The following KANK1 variants were observed in gnomAD, a reference collection of about 807,000 sequenced individuals.
The protein encoded by KANK1 is KN motif and ankyrin repeat domain-containing protein 1.
In KANK1, 109 loss-of-function variants were observed where a neutral mutation model predicts 106.2. The ratio of observed to expected loss-of-function variants is 1.03; its 90% confidence interval spans 0.88 to 1.20. KANK1 has a LOEUF of 1.20. KANK1 is among the 50% of genes most tolerant of loss of function. The probability of loss-of-function intolerance (pLI) is 0.00; values close to 1 mark genes in which losing one functional copy is unlikely to be tolerated. For synonymous variants in KANK1, 873 were observed against 652.2 expected, an observed-to-expected ratio of 1.34 and a Z score of -5.16; for missense variants, 2,399 against 1,710.7, an observed-to-expected ratio of 1.40 and a Z score of -7.10.
rs549469263 is a variant in KANK1 at position 515,294 on chromosome 9, G to A, written c.-84+10540G>A. The stretch of plus-strand genomic sequence containing the variant: ...CAGGAGGCGGAGCTTGCAGTGAGCC[G>A]AGATCGTGCCACTGCCCTCCAGCCT... On this transcript the variant is annotated intron_variant, in intron 1 of 11. Transcript: ENST00000382297. Among the ~76,000 whole-genome samples, 12 of 149,990 alleles carry A rather than the reference G, an allele frequency of 8.0e-5. No homozygotes were observed. In the South Asian group the frequency reaches 1.9e-3, roughly 24 times the overall value.
intron 3 of KANK1, among the ~76,000 whole-genome samples, chr9:499,562 A>T (rs2058515122): frequency 6.6e-6 from 1 of 152,144 alleles, no homozygotes; most frequent in African/African-American, 2.4e-5. Context: ...CCATCCTTGC[A>T]GAGGGGGCTC....
At chr9:685,565 C>T (rs888589446) in intron 2 of KANK1, 1 of 152,202 alleles carries the variant, frequency 6.6e-6, no homozygotes, top group Admixed American at 6.5e-5. Flanking sequence ...CCTGATTTCC[C>T]TCCCAACTGG....
At position 713,313 on chromosome 9, in the gene KANK1, A is replaced by G. The variant is rs1429339180; in HGVS notation, c.2547A>G (p.Ala849=). The G allele has an allele frequency of 3.7e-6, 6 of 1,614,100 alleles. No homozygotes were observed. The highest frequency in any genetic ancestry group is 2.5e-6 in the Non-Finnish European group (3 of 1,180,048). ...TGGCTGAGAACTACAGTGAACTGGC[A>G]GAAGCTTTCGGGGAACCTCACTCAC... ...TLLAENYSEL[A]EAFGEPHSQM... is the part of the protein sequence containing the mutation. Residue 849 remains alanine (A), a synonymous_variant, in exon 3 of 12, where the codon GCA becomes GCG. Transcript: ENST00000382297.
At chr9:551,001 G>C (rs925232804) in intron 1 of KANK1, among the ~76,000 whole-genome samples, 1 of 151,954 alleles carries the variant, frequency 6.6e-6, no homozygotes, top group African/African-American at 2.4e-5. Context: ...TTGAGTGGTA[G>C]AAAGTAAAGG....
chr9:494,632 A>G (rs957389731), intron 3 of KANK1, among the ~76,000 whole-genome samples: 1 of 152,150 alleles, frequency 6.6e-6, no homozygotes, highest in African/African-American at 2.4e-5. Context: ...GGGCAGCACT[A>G]TGGAGCAATA....
chr9:535,204 C>T (rs1017156436), intron 1 of KANK1, among the ~76,000 whole-genome samples: 5 of 152,174 alleles, frequency 3.3e-5, no homozygotes, highest in African/African-American at 9.7e-5. Flanking sequence ...TTTCCTCAGA[C>T]CTCAGTACCT....
chr9:599,985 C>T (rs754243150), intron 1 of KANK1, among the ~76,000 whole-genome samples: 3 of 151,634 alleles, frequency 2.0e-5, no homozygotes, highest in Non-Finnish European at 4.4e-5. Context: ...CCATGTAAGT[C>T]TTTAAGGTAA....
intron 1 of KANK1, among the ~76,000 whole-genome samples, chr9:619,075 G>A (rs1832539055): frequency 1.3e-5 from 2 of 152,120 alleles, no homozygotes; most frequent in African/African-American, 4.8e-5. Flanking sequence ...AGAGAAAATG[G>A]CCATAACTAA....
intron 1 of KANK1, among the ~76,000 whole-genome samples, chr9:593,917 C>A (rs548702191): frequency 1.3e-5 from 2 of 151,978 alleles, no homozygotes; most frequent in South Asian, 4.1e-4. Context: ...TTTCTGCTTC[C>A]CTCCCCCAGC....
chr9:615,222 T>C (rs1419909657), intron 1 of KANK1, among the ~76,000 whole-genome samples: 1 of 152,208 alleles, frequency 6.6e-6, no homozygotes, highest in Non-Finnish European at 1.5e-5. Context: ...AGTCTTGAGC[T>C]ACCGCGCCTG....
chr9:619,659 C>A (rs1832675158), intron 1 of KANK1, among the ~76,000 whole-genome samples: 1 of 152,148 alleles, frequency 6.6e-6, no homozygotes, highest in Admixed American at 6.5e-5. Flanking sequence ...TGCTCACGGA[C>A]TGCAGAATGC....
chr9:546,293 T>C (rs903786244), intron 1 of KANK1, among the ~76,000 whole-genome samples: 6 of 152,056 alleles, frequency 3.9e-5, no homozygotes, highest in South Asian at 4.1e-4. Flanking sequence ...ATGATTGTTA[T>C]AGCTGAATCA....
chr9:481,624 C>T (rs1190726474), intron 3 of KANK1, among the ~76,000 whole-genome samples: 1 of 152,146 alleles, frequency 6.6e-6, no homozygotes, highest in African/African-American at 2.4e-5. Flanking sequence ...CATGACGGCT[C>T]ATTAGGAAGC....
intron 8 of KANK1, among the ~76,000 whole-genome samples, chr9:739,850 A>T (rs924966588): frequency 1.0e-4 from 15 of 150,584 alleles, no homozygotes; most frequent in African/African-American, 3.7e-4. Context: ...TATGCAGAGC[A>T]GAGTCCGCAA....
intron 1 of KANK1, among the ~76,000 whole-genome samples, chr9:522,746 C>G (rs1458041905): frequency 6.6e-6 from 1 of 151,648 alleles, no homozygotes; most frequent in East Asian, 1.9e-4. Context: ...ATTCTGTAAA[C>G]TCTAATGCAC....
At chr9:613,556 T>C (rs750517846) in intron 1 of KANK1, among the ~76,000 whole-genome samples, 3 of 152,140 alleles carry the variant, frequency 2.0e-5, no homozygotes, top group Non-Finnish European at 2.9e-5. Context: ...AGCCAAAACG[T>C]TGGACTCCCC....
chr9:556,060 G>A (rs772090401), intron 1 of KANK1, among the ~76,000 whole-genome samples: 10 of 152,142 alleles, frequency 6.6e-5, no homozygotes, highest in African/African-American at 1.2e-4. Flanking sequence ...CTAAGTTGTA[G>A]TTCTTATTTC....
intron 8 of KANK1, among the ~76,000 whole-genome samples, chr9:739,544 C>T (rs367672203): frequency 5.1e-4 from 77 of 152,262 alleles, no homozygotes; most frequent in African/African-American, 1.8e-3. Context: ...AATTTCAAGC[C>T]CCTCCTCTTC....
upstream of KANK1, chr9:504,688 C>T (rs1379304660): frequency 6.7e-6 from 1 of 148,246 alleles, no homozygotes; most frequent in Non-Finnish European, 1.5e-5. Flanking sequence ...GCGCCCCGCC[C>T]TTCCCCGAGC....
Sources: allele counts gnomAD v4.1 joint callset (sites outside exome capture counted in the v4.1 genomes callset), GRCh38; gene constraint gnomAD v4.1.1; transcripts MANE v1.5; gene names NCBI Gene and HGNC (gene_info 2026-07-23, HGNC 2026-07-21).